The following GRID2 variants were observed in gnomAD, a reference collection of about 807,000 sequenced individuals.
GRID2 encodes glutamate receptor ionotropic, delta-2.
In GRID2, 33 loss-of-function variants were observed where a neutral mutation model predicts 114.8. The observed-to-expected ratio is 0.29, with a 90% CI of 0.22 to 0.38. The LOEUF is 0.38. GRID2 is among the 10% of genes least tolerant of loss of function. GRID2 has a pLI of 1.00. For synonymous variants in GRID2, 505 were observed against 449.9 expected, an observed-to-expected ratio of 1.12 and a Z score of -1.55; for missense variants, 1,184 against 1,257.7, an observed-to-expected ratio of 0.94 and a Z score of 0.89.
chr4:92,684,422 A>G (rs1393204193), intron 2 of GRID2, among the ~76,000 whole-genome samples: 2 of 152,060 alleles, frequency 1.3e-5, no homozygotes, highest in Non-Finnish European at 1.5e-5. Context: ...ACAATTATTT[A>G]CAGTAAGTAT....
chr4:93,744,671 G>T (rs1731693361), intron 14 of GRID2, among the ~76,000 whole-genome samples: 1 of 152,210 alleles, frequency 6.6e-6, no homozygotes, highest in Non-Finnish European at 1.5e-5. Flanking sequence ...AAAGGATTTT[G>T]AATATTTCAT....
At chr4:93,807,310 G>A (rs1305219340) in exon 2 of GRID2, 1 of 152,230 alleles carries the variant, frequency 6.6e-6, no homozygotes, top group African/African-American at 2.4e-5. Flanking sequence ...GGACCAAGGA[G>A]AATGGCAGAA....
At chr4:92,662,202 T>C (rs889018063) in intron 2 of GRID2, among the ~76,000 whole-genome samples, 12 of 150,970 alleles carry the variant, frequency 7.9e-5, no homozygotes, top group African/African-American at 2.7e-4. Flanking sequence ...TTACAACCAA[T>C]TTTGTTGTTA....
chr4:93,531,863 T>G (rs1731481670), intron 13 of GRID2, among the ~76,000 whole-genome samples: 1 of 152,148 alleles, frequency 6.6e-6, no homozygotes, highest in Non-Finnish European at 1.5e-5. Flanking sequence ...ATATTTATGT[T>G]TATTTTTCCC....
At chr4:92,663,311 G>A (rs1338030873) in intron 2 of GRID2, among the ~76,000 whole-genome samples, 2 of 150,898 alleles carry the variant, frequency 1.3e-5, no homozygotes, top group South Asian at 2.1e-4. Context: ...AAATAAAATG[G>A]GCTTCAAAGT....
At chr4:93,040,915 A>G (rs955201297) in intron 2 of GRID2, among the ~76,000 whole-genome samples, 1 of 152,096 alleles carries the variant, frequency 6.6e-6, no homozygotes, top group African/African-American at 2.4e-5. Flanking sequence ...CTTTCTGGTT[A>G]AGTTCATTAG....
intron 1 of GRID2, among the ~76,000 whole-genome samples, chr4:92,386,115 A>G (rs931241180): frequency 6.6e-6 from 1 of 151,634 alleles, no homozygotes; most frequent in African/African-American, 2.4e-5. Context: ...TTAAAACTCT[A>G]CAATGTAGTA....
intron 8 of GRID2, among the ~76,000 whole-genome samples, chr4:93,261,708 C>A (rs1310776968): frequency 6.6e-6 from 1 of 151,662 alleles, no homozygotes; most frequent in Non-Finnish European, 1.5e-5. Context: ...AGTATGTATT[C>A]CTGTAGTGGA....
chr4:93,092,028 G>C (rs1223652973), intron 3 of GRID2, among the ~76,000 whole-genome samples: 1 of 152,062 alleles, frequency 6.6e-6, no homozygotes, highest in Non-Finnish European at 1.5e-5. Context: ...TTCTTTCTTG[G>C]AACATATTCA....
chr4:92,461,087 T>C (rs182308015), intron 1 of GRID2, among the ~76,000 whole-genome samples: 2 of 151,732 alleles, frequency 1.3e-5, no homozygotes, highest in Admixed American at 6.6e-5. Flanking sequence ...ATAAATCATA[T>C]ATTTATATAA....
intron 10 of GRID2, among the ~76,000 whole-genome samples, chr4:93,425,462 G>T (rs1768750959): frequency 6.6e-6 from 1 of 152,068 alleles, no homozygotes; most frequent in Non-Finnish European, 1.5e-5. Context: ...AAAGCCTGTG[G>T]TTCTCCTCAA....
intron 2 of GRID2, among the ~76,000 whole-genome samples, chr4:92,650,482 C>T (rs541104307): frequency 2.6e-5 from 4 of 152,044 alleles, no homozygotes; most frequent in East Asian, 3.9e-4. Flanking sequence ...CATATTCATT[C>T]GTATCTACAT....
At chr4:92,360,706 T>G (rs577775313) in intron 1 of GRID2, among the ~76,000 whole-genome samples, 13 of 151,324 alleles carry the variant, frequency 8.6e-5, no homozygotes, top group Non-Finnish European at 7.4e-5. Flanking sequence ...AGGTAGAGAG[T>G]GGAAGGGATT....
At chr4:92,988,812 CAT>C (rs757419299) in intron 2 of GRID2, among the ~76,000 whole-genome samples, 26 of 152,156 alleles carry the variant, frequency 1.7e-4, no homozygotes, top group African/African-American at 5.3e-4. Flanking sequence ...CAAAGGAAAA[CAT>C]GTGGTGTGTT....
intron 1 of GRID2, among the ~76,000 whole-genome samples, chr4:92,411,653 G>GTATATATATATATATATATATATATA (rs770186876): frequency 2.2e-4 from 22 of 98,810 alleles, no homozygotes; most frequent in African/African-American, 1.0e-3. Context: ...GTGTGTGTGT[G>GTATATATATATATATATATATATATA]TGTATATATA....
intron 1 of GRID2, among the ~76,000 whole-genome samples, chr4:93,795,946 G>A (rs976676599): frequency 2.6e-5 from 4 of 152,200 alleles, no homozygotes; most frequent in Non-Finnish European, 4.4e-5. Context: ...AAGGCAAGGT[G>A]TTGGCTGAGC....
intron 2 of GRID2, among the ~76,000 whole-genome samples, chr4:92,897,015 T>C (rs1440478649): frequency 6.6e-6 from 1 of 152,080 alleles, no homozygotes; most frequent in African/African-American, 2.4e-5. Context: ...GTGCTGGGAT[T>C]ATAGGTGTGA....
chr4:93,517,336 T>C (rs1729832510), intron 13 of GRID2, among the ~76,000 whole-genome samples: 1 of 152,056 alleles, frequency 6.6e-6, no homozygotes, highest in Admixed American at 6.6e-5. Flanking sequence ...AGATAATAAT[T>C]TCTATTCTTT....
At chr4:93,271,323 A>G (rs1751436260) in intron 8 of GRID2, among the ~76,000 whole-genome samples, 1 of 152,070 alleles carries the variant, frequency 6.6e-6, no homozygotes, top group Non-Finnish European at 1.5e-5. Context: ...GAGGTGGGGG[A>G]ATGTCATGGT....
Sources: gnomAD v4.1 joint callset for allele counts (sites outside exome capture counted in the v4.1 genomes callset) on GRCh38, gnomAD v4.1.1 for gene constraint, MANE v1.5 for transcripts, NCBI Gene and HGNC (gene_info 2026-07-23, HGNC 2026-07-21) for gene names.